Variants in THNSL2 observed in about 807,000 individuals in gnomAD.
The protein encoded by THNSL2 is threonine synthase like 2, also known as threonine synthase-like 2.
Under a neutral mutation model 40.0 loss-of-function variants are expected in THNSL2, and 34 were observed. The ratio of observed to expected loss-of-function variants is 0.85; its 90% CI spans 0.65 to 1.13. THNSL2 has a LOEUF of 1.13. Ranked by LOEUF, THNSL2 falls within the 50% of genes most tolerant of loss-of-function variation. The pLI, the probability that THNSL2 is intolerant of heterozygous loss-of-function variation, is 0.00. For missense variants in THNSL2, 537 were observed against 608.8 expected (o/e 0.88, Z 1.24); for synonymous variants, 241 against 247.5 (o/e 0.97, Z 0.25).
intron 5 of THNSL2, among the ~76,000 whole-genome samples, chr2:88,181,746 G>A (rs1677711989): frequency 6.6e-6 from 1 of 152,036 alleles, no homozygotes; most frequent in Admixed American, 6.6e-5. Flanking sequence ...AAGAAACCCT[G>A]TACCCATTAG....
chr2:88,177,900 C>G (rs2104192870), intron 4 of THNSL2, among the ~76,000 whole-genome samples: 1 of 152,348 alleles, frequency 6.6e-6, no homozygotes, highest in South Asian at 2.1e-4. Flanking sequence ...ATCACCATGA[C>G]TGGCCCCGGC....
At chr2:88,175,525 T>A in intron 4 of THNSL2, 124 bp downstream of exon 4, 1 of 1,317,534 alleles carries the variant, frequency 7.6e-7, no homozygotes, top group Non-Finnish European at 1.0e-6. Context: ...CATCATCATA[T>A]TCGAGGTTGG....
At position 88,178,769 on chromosome 2, in the gene THNSL2, C is replaced by T. The variant is rs1677208900; in HGVS notation, c.572-14C>T. The T allele has an allele frequency of 3.7e-6, 6 of 1,613,786 alleles. No individual in the cohort carries two copies. The highest frequency in any genetic ancestry group is 5.1e-6 in the Non-Finnish European group (6 of 1,179,852). Reference sequence around the variant, plus strand: ...ATGCTCCTGACAGCTGCCCTCTTCTCTCCCCCCTGGCAGTGGAGGGAAACA... The same window carrying T: ...ATGCTCCTGACAGCTGCCCTCTTCTTTCCCCCCTGGCAGTGGAGGGAAACA... On this transcript the variant is annotated splice_polypyrimidine_tract_variant and intron_variant, in intron 4 of 8. Transcript: ENST00000674334.
chr2:88,171,528 G>T, intron 1 of THNSL2: 3 of 332,548 alleles, frequency 9.0e-6, no homozygotes, highest in South Asian at 6.7e-5. Flanking sequence ...TTCTTTGGCA[G>T]CTCAGTCGTA....
chr2:88,175,670 C>T (rs909671801), intron 4 of THNSL2: 1 of 403,648 alleles, frequency 2.5e-6, no homozygotes, highest in South Asian at 4.7e-5. Flanking sequence ...AAAAATGCCA[C>T]CTCCATGCAT....
chr2:88,185,284 C>T lies in THNSL2; in HGVS notation c.1078-44C>T, dbSNP rs375140521. The T allele has an allele frequency of 1.6e-4, 255 of 1,576,172 alleles. 1 individual carries two copies. The highest frequency in any genetic ancestry group is 2.0e-4 in the Non-Finnish European group (235 of 1,160,950). The stretch of plus-strand genomic sequence containing the variant: ...AGTGGGGTTTTGTCATCTTTCCCTA[C>T]ATCCCCCCCCCACACCTCATCTTTC... On this transcript the variant is annotated intron_variant, in intron 7 of 8. Transcript: ENST00000674334.
Position 88,173,186 on chromosome 2 carries a change from G to C in THNSL2, c.36G>C (p.Arg12=), listed in dbSNP as rs1558883410. 1.3e-6 allele frequency: 2 copies of C among 1,599,954 alleles called. No individual in the cohort carries two copies. Among genetic ancestry groups the C allele is most frequent in the Non-Finnish European group, 1.7e-6 (2 of 1,171,924 alleles). ...TCAGCACCAGGGGCGTAGCCCCACG[G>C]GTCAACTTTGAGGGGGCCCTCTTCT... is the stretch of plus-strand genomic sequence containing the variant. ...WYVSTRGVAP[R]VNFEGALFSG... is the part of the protein sequence containing the mutation. The change falls in exon 2 of 9, where the codon CGG becomes CGC. Residue 12 remains arginine (R), a synonymous_variant. Transcript: ENST00000674334.
At chr2:88,185,790 C>T in intron 8 of THNSL2, 108 bp from the exon 9 acceptor site, 3 of 1,537,998 alleles carry the variant, frequency 2.0e-6, no homozygotes, top group Non-Finnish European at 2.6e-6. Flanking sequence ...CCTCCATACC[C>T]CCCCATCCCT....
chr2:88,179,658 C>T (rs1677323750), intron 5 of THNSL2, among the ~76,000 whole-genome samples: 3 of 152,200 alleles, frequency 2.0e-5, no homozygotes, highest in Admixed American at 2.0e-4. Flanking sequence ...AGCTGTGTAG[C>T]ATTAAAATCA....
At chr2:88,174,502 CAAAA>C (rs1350922675) in intron 2 of THNSL2, 133 bp from the exon 3 acceptor site, 1 of 835,798 alleles carries the variant, frequency 1.2e-6, no homozygotes, top group Admixed American at 3.0e-5. Context: ...CAATTGTATT[CAAAA>C]ATGGTATCAT....
At chr2:88,175,654 A>T in intron 4 of THNSL2, 1 of 433,096 alleles carries the variant, frequency 2.3e-6, no homozygotes, top group Non-Finnish European at 4.1e-6. Flanking sequence ...TGAAAACCAT[A>T]CCCCAAAAAA....
chr2:88,174,787 GC>G lies in THNSL2; in HGVS notation c.373del (p.Gln125SerfsTer15), dbSNP rs745821490. On this transcript the variant is annotated frameshift_variant, in exon 3 of 9. Coordinates refer to ENST00000674334, the MANE Select transcript of THNSL2 (RefSeq NM_018271.5). LOFTEE classifies it high-confidence loss of function. ...CCCTGTCCTGCACAACACAGTTCCT[GC>G]AGTACTTCCTGGAGAAGAGGGAGAA... Reference protein sequence around the residue: ...LSLSCTTQFLQYFLEKREKHV... With the variant: ...LSLSCTTQFLXYFLEKREKHV... The G allele has an allele frequency of 5.6e-6, 9 of 1,614,188 alleles. No individual in the cohort carries two copies. The Admixed American group carries it at 1.5e-4, about 27-fold the overall frequency.
chr2:88,186,001 G>T lies in THNSL2; in HGVS notation c.1333G>T (p.Glu445Ter), dbSNP rs760325005. ...PETPAEIVAL[E>*]HKETRCTLMR... ...GACTCCCGCGGAGATCGTAGCCCTG[G>T]AGCACAAGGAGACACGCTGCACCCT... Residue 445 changes from glutamate to a stop codon, truncating the protein, a stop_gained, in exon 9 of 9, where the codon GAG becomes TAG. Coordinates refer to ENST00000674334, the MANE Select transcript of THNSL2 (RefSeq NM_018271.5). LOFTEE classifies it low-confidence loss of function (END_TRUNC). 6.2e-7 allele frequency: 1 copy of T among 1,611,798 alleles called. No individual in the cohort carries two copies. The highest frequency in any genetic ancestry group is 1.7e-5 in the Admixed American group (1 of 59,750).
At chr2:88,175,737 A>G (rs2104164450) in intron 4 of THNSL2, 1 of 210,254 alleles carries the variant, frequency 4.8e-6, no homozygotes, top group East Asian at 1.1e-4. Flanking sequence ...AACCTGAGCC[A>G]AGTGATTTGG....
chr2:88,174,886 G>T (rs1033029120), intron 3 of THNSL2, 53 bp downstream of exon 3: 143 of 1,584,922 alleles, frequency 9.0e-5, no homozygotes, highest in Non-Finnish European at 2.8e-5. Context: ...ACTGTAGGGT[G>T]TCCACCTATA....
Position 88,170,457 on chromosome 2 carries a change from G to C in THNSL2, c.-13+1G>C, listed in dbSNP as rs1320649480. On this transcript the variant is annotated splice_donor_variant, in intron 1 of 8. Transcript: ENST00000674334. LOFTEE classifies it low-confidence loss of function (5UTR_SPLICE). Reference sequence around the variant, plus strand: ...GCCCCGCGCCCCGCGCCCCGCACCGGTAACGCGCGCCAACCTCGCCGCCCT... The same window carrying C: ...GCCCCGCGCCCCGCGCCCCGCACCGCTAACGCGCGCCAACCTCGCCGCCCT... 5 of 124,584 alleles carry C rather than the reference G, an allele frequency of 4.0e-5. No homozygotes were observed. The highest frequency in any genetic ancestry group is 8.6e-5 in the Non-Finnish European group (5 of 58,008). 7.7% of individuals were successfully genotyped at this position (124,584 alleles called of 1,614,324 possible).
chr2:88,186,031 C>T lies in THNSL2; in HGVS notation c.1363C>T (p.Arg455Trp), dbSNP rs762928781. 2.5e-5 allele frequency: 40 copies of T among 1,603,534 alleles called. No individual in the cohort carries two copies. Among genetic ancestry groups the T allele is most frequent in the Middle Eastern group, 3.3e-4 (2 of 6,048 alleles). Residue 455 changes from arginine (R) to tryptophan (W), a missense_variant, in exon 9 of 9, where the codon CGG (arginine) becomes TGG (tryptophan). Physicochemically the swap from Arg to Trp is moderately radical, Grantham distance 101. Transcript: ENST00000674334. ...EHKETRCTLM[R>W]RGDNWMLMLR... ...CAAGGAGACACGCTGCACCCTGATG[C>T]GGAGAGGTGACAACTGGATGCTGAT... is the stretch of plus-strand genomic sequence containing the variant.
At chr2:88,183,918 A>AG (rs1445531796) in intron 7 of THNSL2, 1 of 152,196 alleles carries the variant, frequency 6.6e-6, no homozygotes, top group Non-Finnish European at 1.5e-5. Flanking sequence ...CCATTACAAA[A>AG]GTCTTTACAT....
intron 7 of THNSL2, 21 bp downstream of exon 7, chr2:88,183,094 C>T (rs1333500735): frequency 2.6e-5 from 41 of 1,607,258 alleles, no homozygotes; most frequent in Non-Finnish European, 3.5e-5. Context: ...ACCCACACAC[C>T]ACAGAGAAAG....
Sources: allele counts gnomAD v4.1 joint callset (sites outside exome capture counted in the v4.1 genomes callset), GRCh38; gene constraint gnomAD v4.1.1; transcripts MANE v1.5; gene names NCBI Gene and HGNC (gene_info 2026-07-23, HGNC 2026-07-21).